EPC1: variants seen among roughly 807,000 people sequenced by gnomAD.
EPC1 encodes the protein enhancer of polycomb 1.
EPC1 carries 12 observed loss-of-function variants against 98.4 expected under a neutral mutation model. That is an observed-to-expected ratio of 0.12 (90% CI 0.08 to 0.20). The LOEUF is 0.20. Among genes scored for constraint, EPC1 ranks in the 10% least tolerant of loss-of-function variants. EPC1 has a pLI of 1.00. For missense variants in EPC1, 729 were observed against 990.5 expected, an observed-to-expected ratio of 0.74 and a Z score of 3.54; for synonymous variants, 357 against 363.9, an observed-to-expected ratio of 0.98 and a Z score of 0.21.
intron 1 of EPC1, among the ~76,000 whole-genome samples, chr10:32,309,684 T>G (rs1050631777): frequency 6.8e-6 from 1 of 147,110 alleles, no homozygotes; most frequent in Non-Finnish European, 1.5e-5. Flanking sequence ...AGCCACACCC[T>G]GTCTCAAAAA....
intron 1 of EPC1, 195 bp downstream of exon 1, chr10:32,346,568 A>T: frequency 1.7e-6 from 1 of 600,472 alleles, no homozygotes; most frequent in Non-Finnish European, 2.9e-6. Flanking sequence ...GGGTGGCCTT[A>T]GAAGGGGCCC....
At chr10:32,368,184 C>G (rs1216394940) in intron 1 of EPC1, among the ~76,000 whole-genome samples, 1 of 152,122 alleles carries the variant, frequency 6.6e-6, no homozygotes, top group Non-Finnish European at 1.5e-5. Context: ...TTTATTTATC[C>G]CTTCATCATT....
chr10:32,284,916 G>T lies in EPC1; in HGVS notation c.1526C>A (p.Ser509Tyr). 1.9e-6 allele frequency: 3 copies of T among 1,614,146 alleles called. No homozygotes were observed. Among genetic ancestry groups the T allele is most frequent in the Non-Finnish European group, 2.5e-6 (3 of 1,180,028 alleles). The change falls in exon 10 of 14, where the codon TCT becomes TAT. Residue 509 changes from serine to tyrosine, a missense_variant. This residue lies in a region of EPC1 where 390 missense variants were observed against 438.6 expected (regional missense o/e 0.89). Coordinates refer to ENST00000319778, the MANE Select transcript of EPC1 (RefSeq NM_001272004.3). ...TATCTGACTGAGGTCTTTAGAGAAA[G>T]ATTTGTCCGAGGTATTTGTTTCTGA... ...NTSETNTSDK[S>Y]FSKDLSQILV... is the part of the protein sequence containing the mutation.
intron 1 of EPC1, among the ~76,000 whole-genome samples, chr10:32,332,994 T>G (rs1837731027): frequency 6.6e-6 from 1 of 152,154 alleles, no homozygotes; most frequent in Non-Finnish European, 1.5e-5. Context: ...GGAGGTATCC[T>G]TCCTAGGAAG....
At chr10:32,357,610 C>T (rs1246550547) in intron 1 of EPC1, among the ~76,000 whole-genome samples, 1 of 152,088 alleles carries the variant, frequency 6.6e-6, no homozygotes, top group East Asian at 1.9e-4. Context: ...AGGTGCGTGC[C>T]ACCATGTCTG....
At chr10:32,279,347 TA>T (rs397972135) in intron 10 of EPC1, among the ~76,000 whole-genome samples, 417 of 130,260 alleles carry the variant, frequency 3.2e-3, no homozygotes, top group Middle Eastern at 7.6e-3. Flanking sequence ...GACTCTGTCT[TA>T]AAAAAAAAAA....
At position 32,286,787 on chromosome 10, in the gene EPC1, A is replaced by G. The variant is rs143274747; in HGVS notation, c.1298T>C (p.Leu433Ser). Residue 433 changes from leucine to serine, a missense_variant, in exon 9 of 14, where the codon TTA (leucine) becomes TCA (serine). Coordinates refer to ENST00000319778, the MANE Select transcript of EPC1 (RefSeq NM_001272004.3). ...WPWTSPKDGG[L>S]GDVRYRYCLT... ...GCAGTATCTATATCGCACATCCCCT[A>G]ATCCTCCATCTTTAGGACTAGTCCA... 1.1e-3 allele frequency: 1,812 copies of G among 1,614,098 alleles called. 27 individuals are homozygous for G. The East Asian group carries it at 0.03, about 27-fold the overall frequency.
intron 1 of EPC1, among the ~76,000 whole-genome samples, chr10:32,369,113 T>C (rs1311983548): frequency 1.3e-5 from 2 of 152,160 alleles, no homozygotes; most frequent in Non-Finnish European, 1.5e-5. Context: ...ACATTGGAAA[T>C]TGTGACCACA....
Position 32,286,837 on chromosome 10 carries a change from G to C in EPC1, c.1248C>G (p.His416Gln). ...RKAGCQYYAP[H>Q]LDQTGNWPWT... is the part of the protein sequence containing the mutation. ...AAGGCCAGTTGCCAGTTTGGTCTAA[G>C]TGAGGCTTAAAAAAAAAAATCCAAA... The change falls in exon 9 of 14, where the codon CAC becomes CAG. Residue 416 changes from histidine (H) to glutamine (Q), a missense_variant. His to Gln is a conservative substitution (Grantham distance 24, BLOSUM62 0). Around this residue, in one of 6 missense-constraint regions of EPC1, gnomAD observed 390 missense variants for 438.6 expected, o/e 0.89. Transcript: ENST00000319778. 5.6e-6 allele frequency: 9 copies of C among 1,609,340 alleles called. No homozygotes were observed. The highest frequency in any genetic ancestry group is 7.6e-6 in the Non-Finnish European group (9 of 1,178,778).
chr10:32,333,663 C>T, intron 1 of EPC1, among the ~76,000 whole-genome samples: 1 of 152,236 alleles, frequency 6.6e-6, no homozygotes, highest in East Asian at 1.9e-4. Context: ...CTGTTAAGAG[C>T]TCAGAAATAC....
At chr10:32,354,631 C>G (rs1043682743) in intron 1 of EPC1, among the ~76,000 whole-genome samples, 1 of 149,404 alleles carries the variant, frequency 6.7e-6, no homozygotes, top group African/African-American at 2.5e-5. Flanking sequence ...TTTTCTATAA[C>G]CTTAGGATTT....
chr10:32,348,776 C>T (rs1253835866), upstream of EPC1, among the ~76,000 whole-genome samples: 1 of 152,130 alleles, frequency 6.6e-6, no homozygotes, highest in Non-Finnish European at 1.5e-5. Flanking sequence ...GAGAAGGACC[C>T]GCGAATGGCA....
At chr10:32,378,469 A>G (rs1387038169) in intron 1 of EPC1, 1 of 1,543,706 alleles carries the variant, frequency 6.5e-7, no homozygotes, top group South Asian at 1.2e-5. Flanking sequence ...ACTGACATAA[A>G]TGGTGAAAAT....
At chr10:32,337,982 T>C (rs1838079769) in intron 1 of EPC1, among the ~76,000 whole-genome samples, 1 of 152,244 alleles carries the variant, frequency 6.6e-6, no homozygotes. Context: ...GCTCCTCCTC[T>C]GAGTCCCAGA....
intron 2 of EPC1, among the ~76,000 whole-genome samples, chr10:32,300,078 A>AT (rs1192674386): frequency 6.6e-6 from 1 of 151,638 alleles, no homozygotes; most frequent in African/African-American, 2.4e-5. Flanking sequence ...CGCCCGGCTA[A>AT]TTTTTTGTAT....
intron 10 of EPC1, among the ~76,000 whole-genome samples, chr10:32,279,924 G>C (rs1317397400): frequency 6.6e-6 from 1 of 152,004 alleles, no homozygotes; most frequent in East Asian, 1.9e-4. Flanking sequence ...TACACATACG[G>C]TCTTTCCCAG....
At chr10:32,366,226 C>G (rs1839600650) in intron 1 of EPC1, among the ~76,000 whole-genome samples, 1 of 152,120 alleles carries the variant, frequency 6.6e-6, no homozygotes, top group South Asian at 2.1e-4. Context: ...TTTTCCTAAC[C>G]TTGTTTTGTT....
chr10:32,311,292 G>A (rs1437512702), intron 1 of EPC1, among the ~76,000 whole-genome samples: 5 of 144,800 alleles, frequency 3.5e-5, no homozygotes, highest in East Asian at 2.0e-4. Context: ...CAGCCTGGGC[G>A]ACAGAGCGAG....
intron 10 of EPC1, among the ~76,000 whole-genome samples, chr10:32,276,277 G>A (rs547114408): frequency 1.2e-3 from 189 of 152,330 alleles, no homozygotes; most frequent in Admixed American, 3.5e-3. Flanking sequence ...TTGTGATGCC[G>A]AGGCAGGTTG....
Sources: allele counts gnomAD v4.1 joint callset (sites outside exome capture counted in the v4.1 genomes callset), GRCh38; gene constraint gnomAD v4.1.1; regional missense constraint gnomAD v4.1.1; transcripts MANE v1.5; gene names NCBI Gene and HGNC (gene_info 2026-07-23, HGNC 2026-07-21).